Variants in SIN3B observed in about 807,000 individuals in gnomAD.
SIN3B encodes paired amphipathic helix protein Sin3b.
In SIN3B, 19 loss-of-function variants were observed where a neutral mutation model predicts 120.2. The ratio of observed to expected loss-of-function variants is 0.16; its 90% CI spans 0.11 to 0.23. The LOEUF (loss-of-function observed/expected upper bound fraction) is 0.23, where lower values mean the gene tolerates loss of function less well. Among genes scored for constraint, SIN3B ranks in the 10% least tolerant of loss-of-function variants. The pLI is 1.00. For synonymous variants in SIN3B, 654 were observed against 653.2 expected, an observed-to-expected ratio of 1.00 and a Z score of -0.02; for missense variants, 1,073 against 1,573.0, an observed-to-expected ratio of 0.68 and a Z score of 5.38.
At position 16,851,438 on chromosome 19, in the gene SIN3B, G is replaced by A. The variant is rs1174870718; in HGVS notation, c.753G>A (p.Met251Ile). ...SLFTGNGPCE[M>I]HSVQKNEHDK... ...TCACAGGAAACGGGCCGTGCGAGAT[G>A]CACAGCGTGCAGAAGAACGAGCACG... Residue 251 changes from methionine to isoleucine, a missense_variant, in exon 6 of 19, where the codon ATG becomes ATA. Around this residue, in one of 7 missense-constraint regions of SIN3B, gnomAD observed 395 missense variants for 528.0 expected, o/e 0.75. Coordinates refer to ENST00000248054, the MANE Select transcript of SIN3B (RefSeq NM_001297595.2). 1 of 1,607,296 alleles carries A rather than the reference G, an allele frequency of 6.2e-7. No homozygotes were observed. The highest frequency in any genetic ancestry group is 1.7e-4 in the Middle Eastern group (1 of 6,042).
chr19:16,835,928 A>G (rs1434989425), intron 3 of SIN3B, among the ~76,000 whole-genome samples: 2 of 152,152 alleles, frequency 1.3e-5, no homozygotes, highest in Admixed American at 6.5e-5. Flanking sequence ...GGTGTGACCC[A>G]CCACGCCTGG....
intron 11 of SIN3B, 45 bp downstream of exon 11, chr19:16,865,693 T>A (rs1283863668): frequency 1.2e-5 from 12 of 1,009,224 alleles, no homozygotes; most frequent in Non-Finnish European, 1.6e-5. Flanking sequence ...CCCTTCCCCC[T>A]TCCCTCCCCT....
intron 8 of SIN3B, among the ~76,000 whole-genome samples, chr19:16,861,201 A>G (rs1198741547): frequency 2.0e-5 from 3 of 152,162 alleles, no homozygotes. Flanking sequence ...AAGACTGTGG[A>G]TCAGAGATAG....
At chr19:16,834,540 G>C (rs1474931974) in intron 3 of SIN3B, among the ~76,000 whole-genome samples, 1 of 152,156 alleles carries the variant, frequency 6.6e-6, no homozygotes, top group South Asian at 2.1e-4. Context: ...TTGGGGAAAG[G>C]CTTGAAAAGA....
chr19:16,868,806 G>A (rs1971814466), intron 12 of SIN3B, among the ~76,000 whole-genome samples: 1 of 152,116 alleles, frequency 6.6e-6, no homozygotes, highest in African/African-American at 2.4e-5. Context: ...GTGGGAGCTG[G>A]TGGGAGGGCT....
In SIN3B at chr19:16,869,640, G is replaced by A. The variant is rs1300020505; in HGVS notation, c.1987G>A (p.Val663Met). 3 of 1,613,544 alleles carry A rather than the reference G, an allele frequency of 1.9e-6. No individual in the cohort carries two copies. Among genetic ancestry groups the A allele is most frequent in the Non-Finnish European group, 2.5e-6 (3 of 1,180,028 alleles). ...CATCCACCAGCTGCTGCACCAGTTC[G>A]TGCCCAGCCTCTTCTTCTCTCAGCA... ...GTIHQLLHQF[V>M]PSLFFSQQLD... The change falls in exon 13 of 19, where the codon GTG (valine) becomes ATG (methionine). Residue 663 changes from valine to methionine, a missense_variant. Physicochemically the swap from Val to Met is conservative, Grantham distance 21 (BLOSUM62 1). Transcript: ENST00000248054.
rs994788513 is a variant in SIN3B at position 16,861,469 on chromosome 19, A to C, written c.1059-883A>C. ...TAGCAAGACCCCATCTCTACAAAAA[A>C]ATTTTTAAATTGGCCCTGCATGGTG... On this transcript the variant is annotated intron_variant, in intron 8 of 18. Transcript: ENST00000248054. 2.0e-5 allele frequency among the ~76,000 whole-genome samples: 3 copies of C among 152,058 alleles called. 1 individual carries two copies. Among genetic ancestry groups the C allele is most frequent in the African/African-American group, 7.2e-5 (3 of 41,408 alleles).
intron 16 of SIN3B, 68 bp from the exon 17 acceptor site, chr19:16,877,471 CTCAGAG>C: frequency 8.7e-7 from 1 of 1,144,054 alleles, no homozygotes; most frequent in Non-Finnish European, 1.3e-6. Context: ...AGCTCCTGAA[CTCAGAG>C]TCCAGAGTAA....
intron 8 of SIN3B, among the ~76,000 whole-genome samples, chr19:16,859,157 A>G (rs934295347): frequency 2.0e-5 from 3 of 152,094 alleles, no homozygotes; most frequent in Non-Finnish European, 4.4e-5. Flanking sequence ...CTCAAAAAAA[A>G]ATAAGGAAGC....
In SIN3B at chr19:16,879,018, T is replaced by A. The variant is rs540552208; in HGVS notation, c.*291T>A. On this transcript the variant is annotated 3_prime_UTR_variant, in exon 19 of 19. Transcript: ENST00000248054. ...GCAATCATGTTTGCGTCCCCGTCCG[T>A]CACATGTGCCAAATCCCTGGCAGGC... is the stretch of plus-strand genomic sequence containing the variant. 2 of 486,396 alleles carry A rather than the reference T, an allele frequency of 4.1e-6. No homozygotes were observed. Among genetic ancestry groups the A allele is most frequent in the Admixed American group, 7.6e-5 (2 of 26,452 alleles). 30.1% of individuals were successfully genotyped at this position (486,396 alleles called of 1,614,324 possible).
chr19:16,840,683 A>G (rs1397695498), intron 3 of SIN3B, among the ~76,000 whole-genome samples: 1 of 152,192 alleles, frequency 6.6e-6, no homozygotes, highest in Non-Finnish European at 1.5e-5. Flanking sequence ...CAGCGGAAAC[A>G]GTGAAGTCTG....
In SIN3B at chr19:16,871,380, G is replaced by A. The variant is rs751815434; in HGVS notation, c.2574G>A (p.Val858=). ...TGGGCTTCACCATGGACAAGCTGGT[G>A]CAGAACATTGCGCGGCAGGTGAGCC... ...AYVGFTMDKL[V]QNIARQLHHL... is the part of the protein sequence containing the mutation. The change falls in exon 14 of 19, where the codon GTG becomes GTA. Residue 858 remains valine (V), a synonymous_variant. Coordinates refer to ENST00000248054, the MANE Select transcript of SIN3B (RefSeq NM_001297595.2). 2 of 1,610,330 alleles carry A rather than the reference G, an allele frequency of 1.2e-6. No homozygotes were observed. Among genetic ancestry groups the A allele is most frequent in the Admixed American group, 1.7e-5 (1 of 59,768 alleles).
intron 8 of SIN3B, among the ~76,000 whole-genome samples, chr19:16,857,327 C>T (rs541371529): frequency 6.6e-6 from 1 of 152,130 alleles, no homozygotes; most frequent in South Asian, 2.1e-4. Context: ...ACTCCAAGAA[C>T]AGTTTTTATA....
intron 10 of SIN3B, chr19:16,865,059 G>C (rs55961639): frequency 0.16 from 29,915 of 183,096 alleles, 2,731 homozygotes; most frequent in African/African-American, 0.22. Context: ...TCTCGAACTC[G>C]TGACCTTGTG....
At position 16,876,546 on chromosome 19, in the gene SIN3B, G is replaced by A; in HGVS notation, c.2827G>A (p.Glu943Lys). The change falls in exon 16 of 19, where the codon GAG (glutamate) becomes AAG (lysine). Residue 943 changes from glutamate (E) to lysine (K), a missense_variant. This residue lies in a region of SIN3B where 311 missense variants were observed against 400.3 expected (regional missense o/e 0.78). Coordinates refer to ENST00000248054, the MANE Select transcript of SIN3B (RefSeq NM_001297595.2). The surrounding 1 kb of genome is among the most constrained non-coding windows in gnomAD (Gnocchi z 7.1). ...GACCATCGAGCTCCTGGACACCGAG[G>A]AGGCCCAGACGGAGGACCCTGTGGA... ...IMTIELLDTE[E>K]AQTEDPVEVQ... 1 of 1,613,508 alleles carries A rather than the reference G, an allele frequency of 6.2e-7. No homozygotes were observed. The highest frequency in any genetic ancestry group is 8.5e-7 in the Non-Finnish European group (1 of 1,179,920).
Position 16,851,409 on chromosome 19 carries a change from T to TA in SIN3B, c.727-2dup, listed in dbSNP as rs1971543010. On this transcript the variant is annotated splice_polypyrimidine_tract_variant and splice_region_variant and intron_variant, in intron 5 of 18. Transcript: ENST00000248054. ...GCTGACCACCTCCCACATGTGTCCT[T>TA]AGTTCACAGGAAACGGGCCGTGCGA... is the stretch of plus-strand genomic sequence containing the variant. 2 of 1,594,670 alleles carry TA rather than the reference T, an allele frequency of 1.3e-6. No individual in the cohort carries two copies. Among genetic ancestry groups the TA allele is most frequent in the Admixed American group, 1.7e-5 (1 of 57,926 alleles).
intron 10 of SIN3B, 111 bp downstream of exon 10, chr19:16,863,907 A>G (rs941201118): frequency 2.7e-6 from 2 of 728,302 alleles, no homozygotes; most frequent in Non-Finnish European, 4.7e-6. Context: ...AGGAGCAGGA[A>G]TTGCAGCACA....
At chr19:16,869,312 G>T in intron 12 of SIN3B, 148 bp from the exon 13 acceptor site, 1 of 1,018,916 alleles carries the variant, frequency 9.8e-7, no homozygotes, top group Non-Finnish European at 1.4e-6. Context: ...CCCAGGCCCT[G>T]CTGCCTCACC....
chr19:16,839,094 A>G (rs1036176886), intron 3 of SIN3B, among the ~76,000 whole-genome samples: 1 of 149,784 alleles, frequency 6.7e-6, no homozygotes, highest in African/African-American at 2.5e-5. Flanking sequence ...CAGCCTCCCA[A>G]GTAGCTGGGT....
Sources: allele counts gnomAD v4.1 joint callset (sites outside exome capture counted in the v4.1 genomes callset), GRCh38; gene constraint gnomAD v4.1.1; regional missense constraint gnomAD v4.1.1; non-coding constraint Gnocchi (gnomAD v3.1); transcripts MANE v1.5; gene names NCBI Gene and HGNC (gene_info 2026-07-23, HGNC 2026-07-21).